The following CCDC91 variants were observed in gnomAD, a reference collection of about 807,000 sequenced individuals.
The protein encoded by CCDC91 is coiled-coil domain containing 91.
Under a neutral mutation model 63.2 loss-of-function variants are expected in CCDC91, and 48 were observed. The observed-to-expected ratio is 0.76, with a 90% confidence interval of 0.60 to 0.97. The LOEUF is 0.97. Ranked by LOEUF, CCDC91 falls within the 50% of genes least tolerant of loss-of-function variation. The pLI, the probability that CCDC91 is intolerant of heterozygous loss-of-function variation, is 0.00. For missense variants in CCDC91, 500 were observed against 494.6 expected, an observed-to-expected ratio of 1.01 and a Z score of -0.10; for synonymous variants, 167 against 165.8, an observed-to-expected ratio of 1.01 and a Z score of -0.06.
chr12:28,239,725 A>G (rs570705247), intron 1 of CCDC91, among the ~76,000 whole-genome samples: 2 of 152,316 alleles, frequency 1.3e-5, no homozygotes, highest in African/African-American at 4.8e-5. Flanking sequence ...TAATACAATT[A>G]TGAAGGGTAC....
chr12:28,238,559 G>A (rs1175675432), intron 1 of CCDC91, among the ~76,000 whole-genome samples: 1 of 152,124 alleles, frequency 6.6e-6, no homozygotes, highest in Non-Finnish European at 1.5e-5. Flanking sequence ...TGACCGTGCA[G>A]TCTTACTCTT....
Position 28,307,691 on chromosome 12 carries a change from T to C in CCDC91, c.518T>C (p.Phe173Ser). 1.9e-6 allele frequency: 3 copies of C among 1,592,212 alleles called. No individual in the cohort carries two copies. The highest frequency in any genetic ancestry group is 2.3e-5 in the South Asian group (2 of 87,022). ...MEKHNVLEKG[F>S]LKEKEQEAIS... The stretch of plus-strand genomic sequence containing the variant: ...AAGCATAATGTCTTAGAAAAAGGCT[T>C]TCTAAAAGAAAAAGAGCAAGAGGCC... Residue 173 changes from phenylalanine to serine, a missense_variant, in exon 6 of 13, where the codon TTT becomes TCT. Coordinates refer to ENST00000536442, the MANE Select transcript of CCDC91 (RefSeq NM_018318.5).
chr12:28,416,243 G>T (rs1242037879), intron 8 of CCDC91, among the ~76,000 whole-genome samples: 1 of 152,032 alleles, frequency 6.6e-6, no homozygotes, highest in Non-Finnish European at 1.5e-5. Flanking sequence ...CATTGTTGTT[G>T]CTGCACTAGC....
chr12:28,507,834 T>C (rs761673122), intron 12 of CCDC91, among the ~76,000 whole-genome samples: 1 of 151,998 alleles, frequency 6.6e-6, no homozygotes, highest in African/African-American at 2.4e-5. Context: ...GTTCAGCACC[T>C]ATCGGGGTGG....
At chr12:28,451,815 A>G (rs539431529) in intron 10 of CCDC91, among the ~76,000 whole-genome samples, 1 of 151,808 alleles carries the variant, frequency 6.6e-6, no homozygotes, top group South Asian at 2.1e-4. Flanking sequence ...GAAATCATCA[A>G]GAATATCCAC....
chr12:28,318,674 G>C (rs982023364), intron 6 of CCDC91, among the ~76,000 whole-genome samples: 25 of 152,050 alleles, frequency 1.6e-4, no homozygotes, highest in Admixed American at 1.5e-3. Flanking sequence ...ACAGGTTTTT[G>C]AAATTTTGTG....
chr12:28,445,250 T>C (rs1949437825), intron 8 of CCDC91, among the ~76,000 whole-genome samples: 1 of 152,138 alleles, frequency 6.6e-6, no homozygotes. Flanking sequence ...TTGGATAACT[T>C]GCCAAAGGTT....
intron 3 of CCDC91, among the ~76,000 whole-genome samples, chr12:28,272,643 G>A (rs747577226): frequency 1.7e-4 from 26 of 151,270 alleles, no homozygotes; most frequent in East Asian, 3.9e-4. Flanking sequence ...ATTTGATGCC[G>A]TAATGCTCTC....
At chr12:28,378,769 C>T (rs1276747693) in intron 7 of CCDC91, among the ~76,000 whole-genome samples, 1 of 152,056 alleles carries the variant, frequency 6.6e-6, no homozygotes, top group African/African-American at 2.4e-5. Flanking sequence ...TAGAGTTTGG[C>T]CCACTAGCAT....
intron 1 of CCDC91, among the ~76,000 whole-genome samples, chr12:28,207,187 G>C (rs1448179742): frequency 6.6e-6 from 1 of 152,180 alleles, no homozygotes. Context: ...TCTAATGATA[G>C]TAGAGAAATC....
chr12:28,427,013 G>C (rs1948356533), intron 8 of CCDC91, among the ~76,000 whole-genome samples: 1 of 152,018 alleles, frequency 6.6e-6, no homozygotes, highest in Admixed American at 6.6e-5. Flanking sequence ...TCCTGTTTTT[G>C]TCTCCCCTAT....
intron 6 of CCDC91, among the ~76,000 whole-genome samples, chr12:28,320,958 T>G (rs1227292743): frequency 6.6e-6 from 1 of 151,936 alleles, no homozygotes; most frequent in Non-Finnish European, 1.5e-5. Flanking sequence ...GTTTACTTGT[T>G]GAGAAGGCTG....
At chr12:28,398,461 G>T (rs1946420884) in intron 8 of CCDC91, among the ~76,000 whole-genome samples, 1 of 151,846 alleles carries the variant, frequency 6.6e-6, no homozygotes, top group South Asian at 2.1e-4. Flanking sequence ...TTAAATTTGG[G>T]GCTGCTTTAA....
intron 8 of CCDC91, among the ~76,000 whole-genome samples, chr12:28,392,419 T>G (rs1182949539): frequency 2.0e-5 from 3 of 152,198 alleles, no homozygotes; most frequent in Non-Finnish European, 2.9e-5. Context: ...CCCTGGGAAC[T>G]CTACTGATAT....
In CCDC91 at chr12:28,540,971, C is replaced by T. The variant is rs112490834; in HGVS notation, c.1216-8092C>T. ...AGTGGGTTTGGAAGCAGATCCTTCC[C>T]CAGTTGAACTTTGAGATGACTAGAG... On this transcript the variant is annotated intron_variant, in intron 12 of 12. Transcript: ENST00000536442. 1.8e-3 allele frequency among the ~76,000 whole-genome samples: 275 copies of T among 152,180 alleles called. 1 individual carries two copies. The highest frequency in any genetic ancestry group is 6.5e-3 in the African/African-American group (269 of 41,526).
intron 3 of CCDC91, among the ~76,000 whole-genome samples, chr12:28,265,038 G>A (rs1282009985): frequency 6.6e-6 from 1 of 152,000 alleles, no homozygotes; most frequent in Admixed American, 6.6e-5. Flanking sequence ...TTTGATAGCA[G>A]CTACATGAAA....
At chr12:28,444,927 G>A (rs767197801) in intron 8 of CCDC91, among the ~76,000 whole-genome samples, 5 of 151,922 alleles carry the variant, frequency 3.3e-5, no homozygotes, top group South Asian at 2.1e-4. Context: ...AACAATAGAA[G>A]CATTTCAGCA....
intron 12 of CCDC91, among the ~76,000 whole-genome samples, chr12:28,532,235 G>A (rs1941797798): frequency 1.3e-5 from 2 of 151,966 alleles, no homozygotes; most frequent in African/African-American, 4.8e-5. Context: ...TGGCCCACAA[G>A]GAAAGTGAAA....
intron 6 of CCDC91, among the ~76,000 whole-genome samples, chr12:28,335,530 C>T (rs1488268517): frequency 6.6e-6 from 1 of 150,876 alleles, no homozygotes; most frequent in Non-Finnish European, 1.5e-5. Flanking sequence ...ACCTCAGTCT[C>T]TTGAGTGGGT....
Sources: gnomAD v4.1 joint callset for allele counts (sites outside exome capture counted in the v4.1 genomes callset) on GRCh38, gnomAD v4.1.1 for gene constraint, MANE v1.5 for transcripts, NCBI Gene and HGNC (gene_info 2026-07-23, HGNC 2026-07-21) for gene names.